Variants in TAFA2 observed in about 807,000 individuals in gnomAD.
The protein encoded by TAFA2 is chemokine-like protein TAFA-2.
A neutral mutation model predicts 18.8 loss-of-function variants in TAFA2; 7 were observed. That is an observed-to-expected ratio of 0.37 (90% confidence interval 0.21 to 0.70). The LOEUF (loss-of-function observed/expected upper bound fraction) is 0.70, where lower values mean the gene tolerates loss of function less well. Ranked by LOEUF, TAFA2 falls within the 30% of genes least tolerant of loss-of-function variation. TAFA2 has a pLI of 0.53. For synonymous variants in TAFA2, 60 were observed against 54.2 expected (o/e 1.11, Z -0.47); for missense variants, 122 against 158.1 (o/e 0.77, Z 1.23).
intron 1 of TAFA2, among the ~76,000 whole-genome samples, chr12:62,008,416 T>C (rs2136709287): frequency 6.6e-6 from 1 of 152,278 alleles, no homozygotes; most frequent in Admixed American, 6.5e-5. Context: ...AATAATGTTT[T>C]TCAAGAACTG....
At chr12:62,218,414 T>C (rs1168463696) in intron 1 of TAFA2, among the ~76,000 whole-genome samples, 1 of 152,120 alleles carries the variant, frequency 6.6e-6, no homozygotes, top group Non-Finnish European at 1.5e-5. Context: ...AATGCTAGTA[T>C]GTGATCAGTT....
intron 4 of TAFA2, among the ~76,000 whole-genome samples, chr12:61,730,889 T>C (rs1243314076): frequency 2.0e-5 from 3 of 152,146 alleles, no homozygotes; most frequent in African/African-American, 7.2e-5. Context: ...CCTCCCTGTC[T>C]GTTGTGCCTT....
intron 1 of TAFA2, among the ~76,000 whole-genome samples, chr12:61,883,744 T>C (rs779934483): frequency 2.0e-5 from 3 of 152,198 alleles, no homozygotes; most frequent in Non-Finnish European, 4.4e-5. Flanking sequence ...TTGAGTCTAA[T>C]GATGTATTCA....
At chr12:61,936,392 C>T (rs1186420508) in intron 1 of TAFA2, among the ~76,000 whole-genome samples, 1 of 151,922 alleles carries the variant, frequency 6.6e-6, no homozygotes, top group African/African-American at 2.4e-5. Context: ...CATGGTGAAA[C>T]CCTGTCTCTA....
At chr12:62,068,890 A>G (rs1882558207) in intron 1 of TAFA2, among the ~76,000 whole-genome samples, 1 of 152,196 alleles carries the variant, frequency 6.6e-6, no homozygotes, top group Non-Finnish European at 1.5e-5. Flanking sequence ...AACTGAATGC[A>G]TCAGTGTTAC....
intron 1 of TAFA2, among the ~76,000 whole-genome samples, chr12:62,051,833 T>A (rs1397369640): frequency 6.6e-6 from 1 of 151,938 alleles, no homozygotes; most frequent in Admixed American, 6.6e-5. Flanking sequence ...TGCAAATAAG[T>A]TTTATAGATA....
intron 1 of TAFA2, among the ~76,000 whole-genome samples, chr12:62,107,036 C>G (rs1022735559): frequency 2.6e-5 from 4 of 152,134 alleles, no homozygotes; most frequent in Non-Finnish European, 4.4e-5. Flanking sequence ...ATGTTCCTCA[C>G]GCAGAGTTTT....
chr12:61,959,398 A>C (rs1364945290), intron 1 of TAFA2, among the ~76,000 whole-genome samples: 1 of 151,988 alleles, frequency 6.6e-6, no homozygotes, highest in African/African-American at 2.4e-5. Flanking sequence ...TTTTAAATTT[A>C]GTTCTAAGAA....
chr12:62,009,404 T>C (rs144766526), intron 1 of TAFA2, among the ~76,000 whole-genome samples: 99 of 152,328 alleles, frequency 6.5e-4, no homozygotes, highest in African/African-American at 2.3e-3. Flanking sequence ...CAGGAACCAA[T>C]AGCTGCTGGG....
At chr12:61,906,084 T>C (rs1876337652) in intron 1 of TAFA2, among the ~76,000 whole-genome samples, 1 of 152,218 alleles carries the variant, frequency 6.6e-6, no homozygotes, top group Non-Finnish European at 1.5e-5. Context: ...AAAGTATACC[T>C]ATTCCAAATA....
intron 1 of TAFA2, among the ~76,000 whole-genome samples, chr12:62,099,692 A>G (rs1197033413): frequency 2.0e-5 from 3 of 152,160 alleles, no homozygotes; most frequent in Admixed American, 1.3e-4. Flanking sequence ...ATACACCAAG[A>G]GCCAGCAATA....
chr12:61,728,716 T>C (rs1870294714), intron 4 of TAFA2, among the ~76,000 whole-genome samples: 1 of 152,032 alleles, frequency 6.6e-6, no homozygotes, highest in Admixed American at 6.6e-5. Context: ...ATATTTAACA[T>C]TTAGGCCATA....
intron 2 of TAFA2, among the ~76,000 whole-genome samples, chr12:61,838,042 T>C (rs1414911746): frequency 1.3e-5 from 2 of 151,992 alleles, no homozygotes; most frequent in African/African-American, 2.4e-5. Flanking sequence ...GGGCATTTGA[T>C]CCAAGGTGAG....
intron 4 of TAFA2, among the ~76,000 whole-genome samples, chr12:61,748,349 T>G (rs1258969638): frequency 4.6e-5 from 7 of 152,016 alleles, no homozygotes; most frequent in Non-Finnish European, 4.4e-5. Flanking sequence ...TGGACCAGAA[T>G]GTAATTTAGG....
intron 1 of TAFA2, among the ~76,000 whole-genome samples, chr12:62,145,167 A>C (rs1469152985): frequency 1.3e-5 from 2 of 152,108 alleles, no homozygotes; most frequent in Non-Finnish European, 2.9e-5. Flanking sequence ...ATCACTGTTT[A>C]GTTTGTGCTA....
chr12:61,892,857 T>C lies in TAFA2; in HGVS notation c.-1-25431A>G, dbSNP rs1378530176. Among the ~76,000 whole-genome samples, 4 of 152,142 alleles carry C rather than the reference T, an allele frequency of 2.6e-5. No homozygotes were observed. In the East Asian group the frequency reaches 5.8e-4, roughly 22 times the overall value. ...CCACCTTGTTAAATAATAAAGTATG[T>C]CCTAATAGTTTATAGAGTGAATAAG... On this transcript the variant is annotated intron_variant, in intron 1 of 4. Coordinates refer to ENST00000416284, the MANE Select transcript of TAFA2 (RefSeq NM_178539.5).
intron 1 of TAFA2, among the ~76,000 whole-genome samples, chr12:62,256,981 G>T (rs527884237): frequency 2.6e-5 from 4 of 152,016 alleles, no homozygotes; most frequent in Non-Finnish European, 5.9e-5. Context: ...TGGTAGGGTC[G>T]TGGGCGGGAA....
At chr12:61,896,811 C>G (rs554994344) in intron 1 of TAFA2, among the ~76,000 whole-genome samples, 1 of 152,202 alleles carries the variant, frequency 6.6e-6, no homozygotes, top group South Asian at 2.1e-4. Flanking sequence ...ACCCTGGAAC[C>G]TAAATTTTTA....
chr12:62,224,334 A>C (rs1384253514), intron 1 of TAFA2, among the ~76,000 whole-genome samples: 1 of 152,148 alleles, frequency 6.6e-6, no homozygotes, highest in Non-Finnish European at 1.5e-5. Flanking sequence ...TCAATAATAG[A>C]AATTTATTTC....
Sources: gnomAD v4.1 joint callset for allele counts (sites outside exome capture counted in the v4.1 genomes callset) on GRCh38, gnomAD v4.1.1 for gene constraint, MANE v1.5 for transcripts, NCBI Gene and HGNC (gene_info 2026-07-23, HGNC 2026-07-21) for gene names.